HS6ST2: variants seen among roughly 807,000 people sequenced by gnomAD.
HS6ST2 encodes heparan-sulfate 6-O-sulfotransferase 2.
In HS6ST2, 17 loss-of-function variants were observed where a neutral mutation model predicts 33.0. The observed-to-expected ratio is 0.52, with a 90% confidence interval of 0.35 to 0.77. The LOEUF (loss-of-function observed/expected upper bound fraction) is 0.77, where lower values mean the gene tolerates loss of function less well. Ranked by LOEUF, HS6ST2 falls within the 30% of genes least tolerant of loss-of-function variation. The pLI, the probability that HS6ST2 is intolerant of heterozygous loss-of-function variation, is 0.01. For synonymous variants in HS6ST2, 248 were observed against 237.1 expected (o/e 1.05, Z -0.42); for missense variants, 519 against 551.7 (o/e 0.94, Z 0.59).
chrX:132,920,326 G>A (rs1156504892), intron 2 of HS6ST2, among the ~76,000 whole-genome samples: 1 of 110,188 alleles, frequency 9.1e-6, no homozygotes, highest in African/African-American at 3.3e-5. Context: ...AACCACCCAA[G>A]GCACTGCATC....
intron 2 of HS6ST2, among the ~76,000 whole-genome samples, chrX:132,791,932 A>G (rs1210215168): frequency 8.9e-6 from 1 of 111,943 alleles, no homozygotes; most frequent in Non-Finnish European, 1.9e-5. Flanking sequence ...GCAGTAAGCC[A>G]TAACCGTGCC....
At chrX:132,686,630 C>A (rs1223457025) in intron 3 of HS6ST2, among the ~76,000 whole-genome samples, 3 of 111,864 alleles carry the variant, frequency 2.7e-5, no homozygotes, top group Admixed American at 9.5e-5. Flanking sequence ...GCCATCACAC[C>A]AGTCCCCCCA....
intron 2 of HS6ST2, among the ~76,000 whole-genome samples, chrX:132,927,611 G>A (rs1332807652): frequency 9.0e-6 from 1 of 111,393 alleles, no homozygotes; most frequent in Non-Finnish European, 1.9e-5. Context: ...ATGGATCCTT[G>A]GGGACTGCAT....
chrX:132,908,056 T>C (rs910658300), intron 2 of HS6ST2, among the ~76,000 whole-genome samples: 2 of 112,188 alleles, frequency 1.8e-5, no homozygotes, highest in East Asian at 5.6e-4. Context: ...AGAACAATTA[T>C]AACTCAATAA....
chrX:132,761,360 G>C (rs1258232287), intron 2 of HS6ST2, among the ~76,000 whole-genome samples: 1 of 111,606 alleles, frequency 9.0e-6, no homozygotes, highest in Non-Finnish European at 1.9e-5. Context: ...CAATGGGCCT[G>C]CTGCTGTGGG....
At chrX:132,872,419 C>G (rs1488413354) in intron 2 of HS6ST2, among the ~76,000 whole-genome samples, 1 of 111,598 alleles carries the variant, frequency 9.0e-6, no homozygotes, top group Middle Eastern at 4.2e-3. Context: ...GACTAAGAGA[C>G]TCCTCGTTTT....
chrX:132,694,651 G>A (rs1429986766), intron 3 of HS6ST2, among the ~76,000 whole-genome samples: 3 of 111,102 alleles, frequency 2.7e-5, no homozygotes, highest in African/African-American at 9.8e-5. Flanking sequence ...CAAGACTGTA[G>A]GGGTCCAATA....
intron 2 of HS6ST2, among the ~76,000 whole-genome samples, chrX:132,857,481 C>T: frequency 9.9e-6 from 1 of 100,699 alleles, no homozygotes. Flanking sequence ...GAGACTCTGT[C>T]TCAAAAAAAA....
At chrX:132,817,819 T>A (rs1285517583) in intron 2 of HS6ST2, among the ~76,000 whole-genome samples, 1 of 111,906 alleles carries the variant, frequency 8.9e-6, no homozygotes, top group Non-Finnish European at 1.9e-5. Context: ...CAGTTTCCCC[T>A]TCTGTAAAAT....
intron 2 of HS6ST2, among the ~76,000 whole-genome samples, chrX:132,812,203 G>A (rs1177961948): frequency 5.5e-5 from 6 of 108,934 alleles, no homozygotes; most frequent in Non-Finnish European, 9.5e-5. Context: ...TCAGGAGTTC[G>A]AAATCAGCCT....
intron 4 of HS6ST2, among the ~76,000 whole-genome samples, chrX:132,646,663 G>A (rs187635072): frequency 9.0e-5 from 10 of 111,415 alleles, no homozygotes; most frequent in Admixed American, 3.8e-4. Context: ...ACCGTGCAAC[G>A]TAAGAGCCTT....
chrX:132,631,014 A>G (rs911963801), intron 4 of HS6ST2, among the ~76,000 whole-genome samples: 1 of 111,469 alleles, frequency 9.0e-6, no homozygotes, highest in Non-Finnish European at 1.9e-5. Context: ...TTCCACTTAA[A>G]CTATGTTTTC....
intron 2 of HS6ST2, among the ~76,000 whole-genome samples, chrX:132,847,507 A>T (rs1203189852): frequency 9.0e-6 from 1 of 111,588 alleles, no homozygotes; most frequent in African/African-American, 3.3e-5. Context: ...TATCAAGTAC[A>T]AGTTGAATAG....
chrX:132,730,576 C>G (rs1484521407), intron 2 of HS6ST2, among the ~76,000 whole-genome samples: 1 of 112,028 alleles, frequency 8.9e-6, no homozygotes, highest in African/African-American at 3.2e-5. Flanking sequence ...CTGCATAGTT[C>G]AAGAAAAGCC....
intron 2 of HS6ST2, among the ~76,000 whole-genome samples, chrX:132,851,416 C>T (rs746021897): frequency 9.3e-4 from 104 of 112,355 alleles, no homozygotes; most frequent in Non-Finnish European, 1.6e-3. Flanking sequence ...GGCCTGGGTT[C>T]AACCCCTGAC....
At chrX:132,881,197 G>A (rs933065110) in intron 2 of HS6ST2, among the ~76,000 whole-genome samples, 4 of 110,887 alleles carry the variant, frequency 3.6e-5, no homozygotes, top group Admixed American at 9.6e-5. Flanking sequence ...CTGAGGACTC[G>A]CCACACTGTC....
intron 3 of HS6ST2, among the ~76,000 whole-genome samples, chrX:132,703,367 C>T (rs2064160626): frequency 8.8e-6 from 1 of 112,996 alleles, no homozygotes; most frequent in Non-Finnish European, 1.9e-5. Flanking sequence ...GAATGGCATG[C>T]AACCATGAAG....
At chrX:132,730,157 C>A (rs927720493) in intron 2 of HS6ST2, among the ~76,000 whole-genome samples, 1 of 111,644 alleles carries the variant, frequency 9.0e-6, no homozygotes, top group African/African-American at 3.3e-5. Context: ...GGGGTTACAT[C>A]CAAGTCTTCT....
chrX:132,892,498 C>A (rs1042755016), intron 2 of HS6ST2, among the ~76,000 whole-genome samples: 17 of 112,139 alleles, frequency 1.5e-4, no homozygotes, highest in African/African-American at 5.5e-4. Context: ...GTACCAAAAT[C>A]CACAAATGTT....
Sources: gnomAD v4.1 joint callset for allele counts (sites outside exome capture counted in the v4.1 genomes callset) on GRCh38, gnomAD v4.1.1 for gene constraint, MANE v1.5 for transcripts, NCBI Gene and HGNC (gene_info 2026-07-23, HGNC 2026-07-21) for gene names.